The following XRCC4 variants were observed in gnomAD, a reference collection of about 807,000 sequenced individuals.
XRCC4 encodes the protein X-ray repair cross complementing 4.
XRCC4 carries 28 observed loss-of-function variants against 39.1 expected under a neutral mutation model. The ratio of observed to expected loss-of-function variants is 0.72; its 90% CI spans 0.53 to 0.98. XRCC4 has a LOEUF of 0.98. XRCC4 is among the 50% of genes least tolerant of loss of function. The pLI, the probability that XRCC4 is intolerant of heterozygous loss-of-function variation, is 0.00. For synonymous variants in XRCC4, 123 were observed against 126.4 expected (o/e 0.97, Z 0.18); for missense variants, 350 against 376.4 (o/e 0.93, Z 0.58).
chr5:83,134,539 G>A (rs2112494295), intron 3 of XRCC4, among the ~76,000 whole-genome samples: 1 of 152,206 alleles, frequency 6.6e-6, no homozygotes, highest in South Asian at 2.1e-4. Flanking sequence ...TCTGTAAAAC[G>A]TACCAATCAG....
chr5:83,332,266 C>CACAG (rs1554075362), intron 7 of XRCC4, among the ~76,000 whole-genome samples: 11 of 146,154 alleles, frequency 7.5e-5, no homozygotes, highest in Admixed American at 6.9e-4. Context: ...CACACACACA[C>CACAG]AGAAAGAGAG....
intron 1 of XRCC4, among the ~76,000 whole-genome samples, chr5:83,099,823 T>TAAG (rs1745843049): frequency 6.6e-6 from 1 of 152,144 alleles, no homozygotes; most frequent in Non-Finnish European, 1.5e-5. Context: ...CTGAAGAGGA[T>TAAG]TCCACCCCGT....
At chr5:83,078,434 C>G (rs1019242606) in intron 1 of XRCC4, among the ~76,000 whole-genome samples, 4 of 152,158 alleles carry the variant, frequency 2.6e-5, no homozygotes, top group African/African-American at 9.7e-5. Flanking sequence ...GAGTTCTTTT[C>G]AGAATGTTTT....
At chr5:83,253,650 T>C (rs908178296) in intron 6 of XRCC4, among the ~76,000 whole-genome samples, 1 of 152,108 alleles carries the variant, frequency 6.6e-6, no homozygotes, top group African/African-American at 2.4e-5. Flanking sequence ...GAAAAACATC[T>C]ATAAATACAA....
chr5:83,273,350 ATTTTCTCC>A (rs1754208339), intron 7 of XRCC4, among the ~76,000 whole-genome samples: 1 of 151,908 alleles, frequency 6.6e-6, no homozygotes, highest in South Asian at 2.1e-4. Flanking sequence ...GATTGCAAAA[ATTTTCTCC>A]CATTCTGTAG....
At chr5:83,315,841 C>A (rs1251824729) in intron 7 of XRCC4, among the ~76,000 whole-genome samples, 1 of 152,118 alleles carries the variant, frequency 6.6e-6, no homozygotes, top group Non-Finnish European at 1.5e-5. Context: ...TGTTTTCATG[C>A]CTGCTAACAC....
chr5:83,091,611 G>A (rs994292348), intron 1 of XRCC4, among the ~76,000 whole-genome samples: 1 of 152,164 alleles, frequency 6.6e-6, no homozygotes, highest in African/African-American at 2.4e-5. Context: ...TGAGAACTGT[G>A]GCATTTGTCT....
At chr5:83,219,786 T>C (rs1489395258) in intron 6 of XRCC4, among the ~76,000 whole-genome samples, 1 of 152,218 alleles carries the variant, frequency 6.6e-6, no homozygotes, top group Non-Finnish European at 1.5e-5. Context: ...GTTTATATTA[T>C]ACGTTGAAAT....
chr5:83,352,616 A>G (rs1757113783), intron 7 of XRCC4, among the ~76,000 whole-genome samples: 1 of 152,236 alleles, frequency 6.6e-6, no homozygotes, highest in Non-Finnish European at 1.5e-5. Context: ...TTATGGACCA[A>G]CATTTCATCA....
chr5:83,223,532 A>G (rs1200155928), intron 6 of XRCC4, among the ~76,000 whole-genome samples: 1 of 151,016 alleles, frequency 6.6e-6, no homozygotes, highest in East Asian at 1.9e-4. Flanking sequence ...TATCTGATAT[A>G]AGTATAGCTA....
chr5:83,228,816 G>A (rs1403771953), intron 6 of XRCC4, among the ~76,000 whole-genome samples: 1 of 151,940 alleles, frequency 6.6e-6, no homozygotes, highest in African/African-American at 2.4e-5. Flanking sequence ...CTTCCATAAG[G>A]CCCTTAGTGA....
At chr5:83,254,846 G>A (rs1211613788) in intron 6 of XRCC4, among the ~76,000 whole-genome samples, 1 of 152,116 alleles carries the variant, frequency 6.6e-6, no homozygotes, top group Non-Finnish European at 1.5e-5. Context: ...CAGCGCTTTG[G>A]GAGGCCGAGG....
At chr5:83,187,330 A>T (rs1360709598) in intron 3 of XRCC4, among the ~76,000 whole-genome samples, 2 of 152,138 alleles carry the variant, frequency 1.3e-5, no homozygotes, top group Non-Finnish European at 2.9e-5. Flanking sequence ...CGTGTCTCTA[A>T]TTTTAAGTAT....
intron 1 of XRCC4, among the ~76,000 whole-genome samples, chr5:83,102,336 G>C (rs80296163): frequency 3.9e-5 from 6 of 152,086 alleles, no homozygotes; most frequent in Admixed American, 1.3e-4. Context: ...GGCCTGTCGT[G>C]TGTAAGAGGA....
chr5:83,329,114 C>T (rs537112272), intron 7 of XRCC4, among the ~76,000 whole-genome samples: 146 of 152,054 alleles, frequency 9.6e-4, no homozygotes, highest in Middle Eastern at 3.4e-3. Context: ...ATTTGATCCC[C>T]TCCTCACACC....
At chr5:83,290,519 A>ATCTT (rs1754887158) in intron 7 of XRCC4, among the ~76,000 whole-genome samples, 1 of 151,848 alleles carries the variant, frequency 6.6e-6, no homozygotes, top group African/African-American at 2.4e-5. Flanking sequence ...CTAAAAATCA[A>ATCTT]TCTTTAGTAG....
At position 83,111,122 on chromosome 5, in the gene XRCC4, A is replaced by T; in HGVS notation, c.234A>T (p.Ala78=). 1 of 1,611,614 alleles carries T rather than the reference A, an allele frequency of 6.2e-7. No individual in the cohort carries two copies. Among genetic ancestry groups the T allele is most frequent in the Non-Finnish European group, 8.5e-7 (1 of 1,178,868 alleles). Residue 78 remains alanine (A), a synonymous_variant, in exon 3 of 8, where the codon GCA becomes GCT. Coordinates refer to ENST00000396027, the MANE Select transcript of XRCC4 (RefSeq NM_003401.5). ...TGAGAAAAGCATTGTTGTCAGGAGC[A>T]GGACCAGCTGATGTATACACGTTTA... is the stretch of plus-strand genomic sequence containing the variant. ...GELRKALLSG[A]GPADVYTFNF... is the part of the protein sequence containing the mutation.
chr5:83,208,941 A>G (rs779469213), intron 6 of XRCC4, among the ~76,000 whole-genome samples: 13 of 152,064 alleles, frequency 8.5e-5, no homozygotes, highest in Non-Finnish European at 1.8e-4. Flanking sequence ...TGATAAATAT[A>G]ATAGTTGCTG....
At chr5:83,201,207 T>C (rs1327393085) in intron 4 of XRCC4, 1 of 152,236 alleles carries the variant, frequency 6.6e-6, no homozygotes, top group Non-Finnish European at 1.5e-5. Context: ...TCTTCTTCTT[T>C]GCTGGAGGGC....
Sources: gnomAD v4.1 joint callset for allele counts (sites outside exome capture counted in the v4.1 genomes callset) on GRCh38, gnomAD v4.1.1 for gene constraint, MANE v1.5 for transcripts, NCBI Gene and HGNC (gene_info 2026-07-23, HGNC 2026-07-21) for gene names.